Variants in GALNT13 observed in about 807,000 individuals in gnomAD.
The protein encoded by GALNT13 is polypeptide N-acetylgalactosaminyltransferase 13.
A neutral mutation model predicts 64.2 loss-of-function variants in GALNT13; 28 were observed. The observed-to-expected ratio is 0.44, with a 90% CI of 0.32 to 0.60. The LOEUF (loss-of-function observed/expected upper bound fraction) is 0.60. Among genes scored for constraint, GALNT13 ranks in the 20% least tolerant of loss-of-function variants. The pLI, the probability that GALNT13 is intolerant of heterozygous loss-of-function variation, is 0.05. For synonymous variants in GALNT13, 214 were observed against 224.6 expected, an observed-to-expected ratio of 0.95 and a Z score of 0.42; for missense variants, 577 against 669.8, an observed-to-expected ratio of 0.86 and a Z score of 1.53.
At chr2:153,876,394 T>C (rs192931674) in intron 1 of GALNT13, among the ~76,000 whole-genome samples, 14 of 152,328 alleles carry the variant, frequency 9.2e-5, no homozygotes, top group African/African-American at 3.4e-4. Context: ...CATTCAAATA[T>C]ATGCATACCT....
At chr2:153,955,609 C>G (rs1182866174) in intron 3 of GALNT13, among the ~76,000 whole-genome samples, 1 of 152,150 alleles carries the variant, frequency 6.6e-6, no homozygotes, top group African/African-American at 2.4e-5. Flanking sequence ...GAAAAGGGAT[C>G]ACTGATGGTT....
At chr2:153,233,401 T>C in the GALNT13 span, among the ~76,000 whole-genome samples, 1 of 152,072 alleles carries the variant, frequency 6.6e-6, no homozygotes, top group Non-Finnish European at 1.5e-5. Context: ...AAACTCTATC[T>C]ATCTAGAGGA....
chr2:153,417,194 C>T, the GALNT13 span, among the ~76,000 whole-genome samples: 1 of 152,144 alleles, frequency 6.6e-6, no homozygotes, highest in East Asian at 1.9e-4. Flanking sequence ...AATAATGTTC[C>T]AGGAATGAAA....
intron 4 of GALNT13, among the ~76,000 whole-genome samples, chr2:154,204,206 G>A (rs981997692): frequency 5.3e-5 from 8 of 152,148 alleles, no homozygotes; most frequent in Non-Finnish European, 1.0e-4. Context: ...TCACTGATCA[G>A]CCTAACTGTG....
chr2:154,130,552 A>G (rs1447713862), intron 3 of GALNT13, among the ~76,000 whole-genome samples: 1 of 152,304 alleles, frequency 6.6e-6, no homozygotes, highest in Admixed American at 6.5e-5. Flanking sequence ...AAAGATATAT[A>G]TATTTTTTAC....
the GALNT13 span, among the ~76,000 whole-genome samples, chr2:153,140,982 C>A: frequency 3.9e-5 from 6 of 152,006 alleles, no homozygotes; most frequent in Admixed American, 3.9e-4. Flanking sequence ...TTCATCAGCT[C>A]CCCCAAAAAT....
chr2:153,302,847 A>G, the GALNT13 span, among the ~76,000 whole-genome samples: 2 of 152,156 alleles, frequency 1.3e-5, no homozygotes, highest in African/African-American at 4.8e-5. Context: ...AAAGTCAACT[A>G]ACTGTAAATG....
At chr2:153,208,580 T>C in the GALNT13 span, among the ~76,000 whole-genome samples, 3 of 152,192 alleles carry the variant, frequency 2.0e-5, no homozygotes, top group African/African-American at 7.2e-5. Flanking sequence ...ATTTCAATTT[T>C]TGGCAATTAT....
intron 3 of GALNT13, among the ~76,000 whole-genome samples, chr2:153,985,878 T>C (rs529136065): frequency 1.3e-5 from 2 of 152,224 alleles, no homozygotes; most frequent in South Asian, 4.1e-4. Flanking sequence ...GTTGCATTTT[T>C]ATTGGAAATC....
chr2:153,459,156 T>TA, the GALNT13 span, among the ~76,000 whole-genome samples: 1 of 152,080 alleles, frequency 6.6e-6, no homozygotes, highest in Non-Finnish European at 1.5e-5. Context: ...TCTAGATGTT[T>TA]AAAAAATAGT....
At chr2:153,372,594 C>T in the GALNT13 span, among the ~76,000 whole-genome samples, 4 of 151,292 alleles carry the variant, frequency 2.6e-5, no homozygotes, top group East Asian at 2.0e-4. Flanking sequence ...TGCAGTGAGC[C>T]GAGATCGTGC....
chr2:153,247,600 C>A, the GALNT13 span, among the ~76,000 whole-genome samples: 1 of 151,720 alleles, frequency 6.6e-6, no homozygotes, highest in African/African-American at 2.4e-5. Context: ...ACTAAATGCC[C>A]ACATCAGAAG....
the GALNT13 span, among the ~76,000 whole-genome samples, chr2:153,163,023 A>G: frequency 0.16 from 24,548 of 152,160 alleles, 2,823 homozygotes; most frequent in East Asian, 0.58. Flanking sequence ...TTTGCAAAGC[A>G]GAGAAACATT....
intron 4 of GALNT13, among the ~76,000 whole-genome samples, chr2:154,158,762 G>T (rs772888495): frequency 6.6e-6 from 1 of 152,080 alleles, no homozygotes; most frequent in Non-Finnish European, 1.5e-5. Flanking sequence ...TATGCCTGAG[G>T]TTGCAATTTT....
chr2:153,132,033 C>T, the GALNT13 span, among the ~76,000 whole-genome samples: 726 of 152,204 alleles, frequency 4.8e-3, 8 homozygotes, highest in South Asian at 0.013. Flanking sequence ...TTCATCATCT[C>T]CTGTGTCAAG....
In GALNT13 at chr2:154,162,386, T is replaced by C. The variant is rs1684783020; in HGVS notation, c.311+21881T>C. On this transcript the variant is annotated intron_variant, in intron 4 of 12. Transcript: ENST00000392825. ...GAGCCTATTCACCTGTGAATGATTT[T>C]AACCAAAGTAAATTGCTTCAACTCT... Among the ~76,000 whole-genome samples, 2 of 152,226 alleles carry C rather than the reference T, an allele frequency of 1.3e-5. 1 individual carries two copies. The highest frequency in any genetic ancestry group is 4.1e-4 in the South Asian group (2 of 4,832).
the GALNT13 span, among the ~76,000 whole-genome samples, chr2:153,820,982 T>C: frequency 3.3e-5 from 5 of 151,174 alleles, no homozygotes; most frequent in East Asian, 3.9e-4. Context: ...TGACACGTAA[T>C]GACACCCATA....
the GALNT13 span, among the ~76,000 whole-genome samples, chr2:153,073,035 C>T: frequency 6.6e-5 from 10 of 152,072 alleles, no homozygotes; most frequent in Admixed American, 3.9e-4. Context: ...ATTCGAGGCA[C>T]GATGCTAAGT....
the GALNT13 span, among the ~76,000 whole-genome samples, chr2:153,818,669 G>A: frequency 6.6e-6 from 1 of 152,154 alleles, no homozygotes; most frequent in Non-Finnish European, 1.5e-5. Context: ...TTGTGTGCCT[G>A]CAACAGTGAA....
Sources: allele counts gnomAD v4.1 joint callset (sites outside exome capture counted in the v4.1 genomes callset), GRCh38; gene constraint gnomAD v4.1.1; transcripts MANE v1.5; gene names NCBI Gene and HGNC (gene_info 2026-07-23, HGNC 2026-07-21).